The following KIAA1549L variants were observed in gnomAD, a reference collection of about 807,000 sequenced individuals.
KIAA1549L encodes the protein KIAA1549 like.
KIAA1549L carries 88 observed loss-of-function variants against 160.7 expected under a neutral mutation model. The ratio of observed to expected loss-of-function variants is 0.55; its 90% CI spans 0.46 to 0.65. KIAA1549L has a LOEUF of 0.65. Ranked by LOEUF, KIAA1549L falls within the 30% of genes least tolerant of loss-of-function variation. The pLI, the probability that KIAA1549L is intolerant of heterozygous loss-of-function variation, is 0.00. For missense variants in KIAA1549L, 2,258 were observed against 2,437.5 expected, an observed-to-expected ratio of 0.93 and a Z score of 1.55; for synonymous variants, 950 against 976.7, an observed-to-expected ratio of 0.97 and a Z score of 0.51.
chr11:33,544,515 AC>A (rs937859850), intron 2 of KIAA1549L, among the ~76,000 whole-genome samples, 179 bp downstream of exon 2: 1 of 152,166 alleles, frequency 6.6e-6, no homozygotes, highest in Non-Finnish European at 1.5e-5. Flanking sequence ...TCCTGTGCCC[AC>A]CTGAGCTTTC....
chr11:33,511,381 C>G (rs1468463252), intron 1 of KIAA1549L, among the ~76,000 whole-genome samples: 1 of 152,212 alleles, frequency 6.6e-6, no homozygotes, highest in Non-Finnish European at 1.5e-5. Flanking sequence ...ATACTGATAT[C>G]TTACTCAGGT....
chr11:33,475,159 C>G (rs144125395), intron 1 of KIAA1549L, among the ~76,000 whole-genome samples: 8 of 152,302 alleles, frequency 5.3e-5, no homozygotes, highest in Admixed American at 2.0e-4. Flanking sequence ...CCCTAACACC[C>G]AATTCCTCAC....
intron 1 of KIAA1549L, among the ~76,000 whole-genome samples, chr11:33,498,156 G>T (rs890222966): frequency 6.6e-6 from 1 of 152,168 alleles, no homozygotes; most frequent in East Asian, 1.9e-4. Flanking sequence ...TTAGCTGGGC[G>T]TGGTGGCATG....
At chr11:33,562,976 T>C (rs536436415) in intron 8 of KIAA1549L, among the ~76,000 whole-genome samples, 1 of 152,126 alleles carries the variant, frequency 6.6e-6, no homozygotes, top group South Asian at 2.1e-4. Flanking sequence ...CCGCTGTGCC[T>C]GGCCTAACTT....
At chr11:33,538,471 G>A (rs949471544) in intron 1 of KIAA1549L, among the ~76,000 whole-genome samples, 2 of 152,138 alleles carry the variant, frequency 1.3e-5, no homozygotes, top group African/African-American at 4.8e-5. Flanking sequence ...GCACGTATCA[G>A]TTTCTTAATG....
rs980105219 is a variant in KIAA1549L at position 33,667,442 on chromosome 11, G to A, written c.6160-431G>A. Among the ~76,000 whole-genome samples the A allele has an allele frequency of 1.6e-4, 24 of 151,748 alleles. 1 individual carries two copies. Among genetic ancestry groups the A allele is most frequent in the Non-Finnish European group, 3.2e-4 (22 of 67,954 alleles). On this transcript the variant is annotated intron_variant, in intron 20 of 20. Coordinates refer to ENST00000658780, the MANE Select transcript of KIAA1549L (RefSeq NM_012194.3). ...GAGTCTCACTCTGTCGCCCAGGCTGGAGTGCAGTGGTACAATCTCGGCTCA... is the reference window on the plus strand; with the variant it reads ...GAGTCTCACTCTGTCGCCCAGGCTGAAGTGCAGTGGTACAATCTCGGCTCA...
intron 1 of KIAA1549L, among the ~76,000 whole-genome samples, chr11:33,407,810 A>G (rs1017348892): frequency 6.6e-6 from 1 of 152,146 alleles, no homozygotes; most frequent in South Asian, 2.1e-4. Context: ...GTTCCTGGCC[A>G]ATTCTAAAAA....
In KIAA1549L at chr11:33,545,395, C is replaced by T. The variant is rs1397809080; in HGVS notation, c.3385+17C>T. ...TGAAGACAGGTATGAGACCACTGTTCTGATCTGAAAGCAGCAAGCCTGGCC... is the reference window on the plus strand; with the variant it reads ...TGAAGACAGGTATGAGACCACTGTTTTGATCTGAAAGCAGCAAGCCTGGCC... On this transcript the variant is annotated intron_variant, in intron 3 of 20. Coordinates refer to ENST00000658780, the MANE Select transcript of KIAA1549L (RefSeq NM_012194.3). 2.5e-6 allele frequency: 4 copies of T among 1,590,682 alleles called. No homozygotes were observed. The South Asian group carries it at 3.4e-5, about 13-fold the overall frequency.
chr11:33,389,672 A>G (rs2134045319), intron 1 of KIAA1549L, among the ~76,000 whole-genome samples: 1 of 152,338 alleles, frequency 6.6e-6, no homozygotes, highest in African/African-American at 2.4e-5. Flanking sequence ...CAATAAACAC[A>G]TTTTAAACAA....
In KIAA1549L at chr11:33,668,632, A is replaced by G. The variant is rs189085100; in HGVS notation, c.*478A>G. On this transcript the variant is annotated 3_prime_UTR_variant, in exon 21 of 21. Coordinates refer to ENST00000658780, the MANE Select transcript of KIAA1549L (RefSeq NM_012194.3). ...TCATTCAACCATGACCGTGCGCATT[A>G]AAATCAGTTTGTAAGGGAGACACTG... The G allele has an allele frequency of 3.6e-4, 57 of 160,414 alleles. No homozygotes were observed. The highest frequency in any genetic ancestry group is 1.3e-3 in the African/African-American group (54 of 41,768). The allele number at this position is 160,414 out of a possible 1,614,324, so 9.9% of individuals were successfully genotyped here.
At chr11:33,464,495 T>C (rs955447246) in intron 1 of KIAA1549L, among the ~76,000 whole-genome samples, 4 of 149,802 alleles carry the variant, frequency 2.7e-5, no homozygotes, top group African/African-American at 7.4e-5. Context: ...TGTGTGTGTG[T>C]GTGTGTGTGT....
chr11:33,509,672 G>T (rs1195377032), intron 1 of KIAA1549L, among the ~76,000 whole-genome samples: 1 of 152,168 alleles, frequency 6.6e-6, no homozygotes, highest in Non-Finnish European at 1.5e-5. Flanking sequence ...TAGCTGATCT[G>T]CATAATCCAT....
rs1852605753 is a variant in KIAA1549L at position 33,669,656 on chromosome 11, A to G, written c.*1502A>G. 6.6e-6 allele frequency: 1 copy of G among 152,208 alleles called. No homozygotes were observed. The highest frequency in any genetic ancestry group is 1.5e-5 in the Non-Finnish European group (1 of 68,038). The allele number at this position is 152,208 out of a possible 1,614,324, so 9.4% of individuals were successfully genotyped here. On this transcript the variant is annotated 3_prime_UTR_variant, in exon 21 of 21. Transcript: ENST00000658780. ...TTTCTTTGGTCTTTACTGAAAGAAGATAGTAGAAATTTAAAAGTTGAGAGA... is the reference window on the plus strand; with the variant it reads ...TTTCTTTGGTCTTTACTGAAAGAAGGTAGTAGAAATTTAAAAGTTGAGAGA...
chr11:33,568,872 CCCATG>C (rs1370447566), intron 9 of KIAA1549L, among the ~76,000 whole-genome samples: 1 of 152,162 alleles, frequency 6.6e-6, no homozygotes, highest in Non-Finnish European at 1.5e-5. Flanking sequence ...ACCTGCTTTG[CCCATG>C]CCATGCTGGT....
At chr11:33,657,390 T>A (rs10768016) in intron 18 of KIAA1549L, among the ~76,000 whole-genome samples, 57,708 of 151,840 alleles carry the variant, frequency 0.38, 11,257 homozygotes, top group East Asian at 0.5. Flanking sequence ...TTGCCACATA[T>A]CGGGGGTGGG....
chr11:33,527,711 A>G (rs915981536), intron 1 of KIAA1549L, among the ~76,000 whole-genome samples: 1 of 152,276 alleles, frequency 6.6e-6, no homozygotes. Context: ...TCCAGAATCT[A>G]CAAGGAATTC....
intron 1 of KIAA1549L, among the ~76,000 whole-genome samples, chr11:33,509,412 AC>A (rs1853173054): frequency 6.6e-6 from 1 of 152,108 alleles, no homozygotes; most frequent in South Asian, 2.1e-4. Flanking sequence ...GGACCATATC[AC>A]TTAACATTTG....
intron 1 of KIAA1549L, among the ~76,000 whole-genome samples, chr11:33,455,957 G>A (rs936600971): frequency 1.3e-5 from 2 of 152,188 alleles, no homozygotes; most frequent in African/African-American, 4.8e-5. Flanking sequence ...CGGGGAGGAA[G>A]TATTCAGCAG....
At chr11:33,597,352 C>G (rs1415662777) in intron 12 of KIAA1549L, among the ~76,000 whole-genome samples, 2 of 152,054 alleles carry the variant, frequency 1.3e-5, no homozygotes, top group Non-Finnish European at 2.9e-5. Context: ...AGACTGAGAA[C>G]TGGAAATTTC....
Sources: allele counts gnomAD v4.1 joint callset (sites outside exome capture counted in the v4.1 genomes callset), GRCh38; gene constraint gnomAD v4.1.1; transcripts MANE v1.5; gene names NCBI Gene and HGNC (gene_info 2026-07-23, HGNC 2026-07-21).